The following NUP62 variants were observed in gnomAD, a reference collection of about 807,000 sequenced individuals.
The protein encoded by NUP62 is nuclear pore glycoprotein p62.
For synonymous variants in NUP62, 305 were observed against 303.4 expected (o/e 1.01, Z -0.05); for missense variants, 647 against 689.4 (o/e 0.94, Z 0.69).
At chr19:49,923,385 G>A (rs1024690999) in intron 2 of NUP62, among the ~76,000 whole-genome samples, 5 of 152,204 alleles carry the variant, frequency 3.3e-5, no homozygotes, top group Non-Finnish European at 5.9e-5. Context: ...TGATGCCTAC[G>A]GAAATAGCAG....
intron 2 of NUP62, among the ~76,000 whole-genome samples, chr19:49,918,053 A>T (rs1030130545): frequency 6.6e-6 from 1 of 151,504 alleles, no homozygotes; most frequent in Non-Finnish European, 1.5e-5. Flanking sequence ...ACCCAAAGCC[A>T]TGGAGAGGGT....
Position 49,908,113 on chromosome 19 carries a change from A to C in NUP62, c.*126T>G. 1 of 1,508,886 alleles carries C rather than the reference A, an allele frequency of 6.6e-7. No individual in the cohort carries two copies. Among genetic ancestry groups the C allele is most frequent in the Non-Finnish European group, 8.8e-7 (1 of 1,131,188 alleles). The allele number at this position is 1,508,886 out of a possible 1,614,324, so 93.5% of individuals were successfully genotyped here. A position where few individuals can be genotyped will look rare whatever the true frequency, so the allele number is the denominator to read the frequency against. ...CGCAAAGCACACAGCGATCATGTCA[A>C]GGGCAGTCATGTGAAAGAAAGAAAC... is the stretch of plus-strand genomic sequence containing the variant. On this transcript the variant is annotated 3_prime_UTR_variant, in exon 3 of 3. Transcript: ENST00000352066.
intron 2 of NUP62, among the ~76,000 whole-genome samples, chr19:49,924,119 C>G (rs1017718835): frequency 1.3e-5 from 2 of 150,936 alleles, no homozygotes; most frequent in Admixed American, 6.6e-5. Flanking sequence ...AGGGTCAGGG[C>G]TTGGAGACCT....
intron 2 of NUP62, among the ~76,000 whole-genome samples, chr19:49,926,886 C>T (rs1186194025): frequency 6.9e-6 from 1 of 145,738 alleles, no homozygotes; most frequent in Non-Finnish European, 1.5e-5. Context: ...GACGAGGTCT[C>T]ACTCTGTCAC....
At position 49,921,192 on chromosome 19, in the gene NUP62, A is replaced by G. The variant is rs898164208; in HGVS notation, c.-78+6502T>C. On this transcript the variant is annotated intron_variant, in intron 2 of 2. Transcript: ENST00000352066. The surrounding 1 kb of genome is among the most constrained non-coding windows in gnomAD (Gnocchi z 5.4). ...AGCAATGTGACGAAGCGAAACTATC[A>G]TGGCTCCCATTTATAAATGAGCAAA... Among the ~76,000 whole-genome samples the G allele has an allele frequency of 1.3e-5, 2 of 152,084 alleles. No homozygotes were observed. The highest frequency in any genetic ancestry group is 1.9e-4 in the East Asian group (1 of 5,188).
intron 2 of NUP62, among the ~76,000 whole-genome samples, chr19:49,923,340 G>A (rs2075809336): frequency 6.6e-6 from 1 of 152,192 alleles, no homozygotes; most frequent in African/African-American, 2.4e-5. Context: ...CACATTCGCT[G>A]GCCTCTGTGC....
At chr19:49,918,576 CCT>C (rs2075682873) in intron 2 of NUP62, 1 of 152,218 alleles carries the variant, frequency 6.6e-6, no homozygotes, top group Non-Finnish European at 1.5e-5. Context: ...CATTTTCCTC[CCT>C]GATGCCTTTC....
intron 2 of NUP62, among the ~76,000 whole-genome samples, chr19:49,923,305 T>G (rs1378572969): frequency 1.3e-5 from 2 of 152,196 alleles, no homozygotes; most frequent in African/African-American, 2.4e-5. Context: ...TTACCCTCCC[T>G]GGCTCCTCTC....
Position 49,907,380 on chromosome 19 carries a change from G to C in NUP62, c.*859C>G. On this transcript the variant is annotated 3_prime_UTR_variant, in exon 3 of 3. Transcript: ENST00000352066. ...CCCATCTGTGGTTCCTCAACACCCT[G>C]TGTGTGCAGGCCCCTCAGCTGACCT... is the stretch of plus-strand genomic sequence containing the variant. The C allele has an allele frequency of 5.8e-6, 2 of 345,090 alleles. No homozygotes were observed. The highest frequency in any genetic ancestry group is 1.1e-5 in the Non-Finnish European group (2 of 180,012). 21.4% of individuals were successfully genotyped at this position (345,090 alleles called of 1,614,324 possible).
At chr19:49,920,707 A>C (rs776442479) in intron 2 of NUP62, among the ~76,000 whole-genome samples, 2 of 152,194 alleles carry the variant, frequency 1.3e-5, no homozygotes, top group Admixed American at 6.5e-5. Context: ...GCTGGTTGAG[A>C]ACAGGCTGGG....
At chr19:49,912,650 G>C (rs987893737) in intron 2 of NUP62, among the ~76,000 whole-genome samples, 8 of 152,154 alleles carry the variant, frequency 5.3e-5, no homozygotes, top group Non-Finnish European at 1.0e-4. Flanking sequence ...GATCGCTTGA[G>C]CCCAGGAACT....
intron 2 of NUP62, among the ~76,000 whole-genome samples, chr19:49,923,793 C>CAGAAGTG (rs1449227738): frequency 6.6e-6 from 1 of 152,226 alleles, no homozygotes; most frequent in Non-Finnish European, 1.5e-5. Flanking sequence ...CTGAGGGTCA[C>CAGAAGTG]AGAAGTGGTG....
At position 49,921,644 on chromosome 19, in the gene NUP62, C is replaced by T; in HGVS notation, c.-78+6050G>A. Among the ~76,000 whole-genome samples the T allele has an allele frequency of 6.6e-6, 1 of 152,222 alleles. No homozygotes were observed. The highest frequency in any genetic ancestry group is 1.9e-4 in the East Asian group (1 of 5,194). On this transcript the variant is annotated intron_variant, in intron 2 of 2. Transcript: ENST00000352066. This position sits in a 1 kb window ranked among gnomAD's most constrained non-coding sequence, Gnocchi z 5.4. The stretch of plus-strand genomic sequence containing the variant: ...CTAAGGCCTGGCGCTCTGATGGCCG[C>T]TGACCTCAAAACTCTCCATGGGGGG...
chr19:49,908,421 C>A lies in NUP62; in HGVS notation c.1387G>T (p.Ala463Ser), dbSNP rs760388870. Reference sequence around the variant, plus strand: ...AGTGGGTCACTGGTGTCGGCGGGGGCCCCGGACGTGTTCAGGTGCTCGATG... The same window carrying A: ...AGTGGGTCACTGGTGTCGGCGGGGGACCCGGACGTGTTCAGGTGCTCGATG... Reference protein sequence around the residue: ...DIIEHLNTSGAPADTSDPLQQ... With the variant: ...DIIEHLNTSGSPADTSDPLQQ... Residue 463 changes from alanine (A) to serine (S), a missense_variant, in exon 3 of 3, where the codon GCC becomes TCC. Transcript: ENST00000352066. 5 of 1,613,912 alleles carry A rather than the reference C, an allele frequency of 3.1e-6. No individual in the cohort carries two copies. The highest frequency in any genetic ancestry group is 4.2e-6 in the Non-Finnish European group (5 of 1,180,042).
At chr19:49,924,027 A>C (rs2075825388) in intron 2 of NUP62, among the ~76,000 whole-genome samples, 1 of 152,204 alleles carries the variant, frequency 6.6e-6, no homozygotes, top group East Asian at 1.9e-4. Flanking sequence ...GAGTTGCGGC[A>C]ATAGCAGGGC....
At chr19:49,924,502 A>C (rs561007707) in intron 2 of NUP62, among the ~76,000 whole-genome samples, 2 of 151,848 alleles carry the variant, frequency 1.3e-5, no homozygotes, top group Admixed American at 6.6e-5. Flanking sequence ...GCCTGCAACC[A>C]CCGCCTCACT....
At chr19:49,927,928 T>A (rs190836844) in intron 1 of NUP62, 113 bp from the exon 2 acceptor site, 2 of 152,328 alleles carry the variant, frequency 1.3e-5, no homozygotes, top group Admixed American at 1.3e-4. Context: ...TCTTCCATTT[T>A]TGGCAGGGTT....
intron 2 of NUP62, among the ~76,000 whole-genome samples, chr19:49,917,369 C>T (rs754880930): frequency 2.6e-5 from 4 of 152,222 alleles, no homozygotes; most frequent in Admixed American, 6.5e-5. Flanking sequence ...GCTTCTTAAC[C>T]GTCTCCTGAA....
In NUP62 at chr19:49,921,642, C is replaced by T. The variant is rs2075767803; in HGVS notation, c.-78+6052G>A. Among the ~76,000 whole-genome samples the T allele has an allele frequency of 6.6e-6, 1 of 152,216 alleles. No individual in the cohort carries two copies. Among genetic ancestry groups the T allele is most frequent in the Non-Finnish European group, 1.5e-5 (1 of 68,040 alleles). On this transcript the variant is annotated intron_variant, in intron 2 of 2. Coordinates refer to ENST00000352066, the MANE Select transcript of NUP62 (RefSeq NM_016553.5). This position sits in a 1 kb window ranked among gnomAD's most constrained non-coding sequence, Gnocchi z 5.4. ...GGCTAAGGCCTGGCGCTCTGATGGC[C>T]GCTGACCTCAAAACTCTCCATGGGG...
Sources: allele counts gnomAD v4.1 joint callset (sites outside exome capture counted in the v4.1 genomes callset), GRCh38; gene constraint gnomAD v4.1.1; non-coding constraint Gnocchi (gnomAD v3.1); transcripts MANE v1.5; gene names NCBI Gene and HGNC (gene_info 2026-07-23, HGNC 2026-07-21).